The following TMEM217 variants were observed in gnomAD, a reference collection of about 807,000 sequenced individuals.
TMEM217 encodes the protein transmembrane protein 217.
For synonymous variants in TMEM217, 76 were observed against 88.3 expected (o/e 0.86, Z 0.78); for missense variants, 204 against 248.8 (o/e 0.82, Z 1.21).
At chr6:37,213,517 C>T (rs981500307), downstream of TMEM217, among the ~76,000 whole-genome samples, 10 of 152,248 alleles carry the variant, frequency 6.6e-5, no homozygotes, top group Non-Finnish European at 1.3e-4. Context: ...TCCCAAGTCA[C>T]AGGGTTTGGC....
intron 1 of TMEM217, among the ~76,000 whole-genome samples, chr6:37,220,767 A>C (rs1763463372): frequency 1.3e-5 from 2 of 152,168 alleles, no homozygotes; most frequent in African/African-American, 2.4e-5. Flanking sequence ...CATAGTGAAA[A>C]ATAACCAAGC....
intron 1 of TMEM217, among the ~76,000 whole-genome samples, chr6:37,252,578 C>T (rs950141278): frequency 1.0e-4 from 9 of 89,170 alleles, no homozygotes; most frequent in African/African-American, 2.5e-4. Flanking sequence ...TGTGTGTGCA[C>T]GTGTACGTGT....
At chr6:37,227,556 C>T (rs1763908943) in intron 1 of TMEM217, among the ~76,000 whole-genome samples, 1 of 152,148 alleles carries the variant, frequency 6.6e-6, no homozygotes, top group Non-Finnish European at 1.5e-5. Context: ...AAGCAATTCT[C>T]CTGCCTCAGC....
chr6:37,243,463 C>CA (rs1764893428), intron 1 of TMEM217, among the ~76,000 whole-genome samples: 1 of 152,158 alleles, frequency 6.6e-6, no homozygotes, highest in Non-Finnish European at 1.5e-5. Flanking sequence ...GCCTGCTACA[C>CA]AGACAAAACC....
exon 4 of TMEM217, chr6:37,212,429 G>A (rs1263941250): frequency 1.9e-5 from 8 of 418,684 alleles, no homozygotes; most frequent in East Asian, 7.1e-5. Context: ...TTTAACTTCC[G>A]GTACAACATT....
intron 1 of TMEM217, among the ~76,000 whole-genome samples, chr6:37,237,468 CA>C (rs1341697399): frequency 1.3e-5 from 2 of 152,150 alleles, no homozygotes; most frequent in East Asian, 3.9e-4. Context: ...AAGTCGTTTG[CA>C]AGAAATTATT....
chr6:37,230,456 T>C (rs1366435488), intron 1 of TMEM217, among the ~76,000 whole-genome samples: 2 of 152,142 alleles, frequency 1.3e-5, no homozygotes, highest in Non-Finnish European at 2.9e-5. Context: ...TGACTGTATT[T>C]AGAGAGAGGG....
intron 1 of TMEM217, among the ~76,000 whole-genome samples, chr6:37,252,650 T>A (rs1305649447): frequency 7.0e-4 from 88 of 125,168 alleles, no homozygotes; most frequent in Non-Finnish European, 1.3e-3. Flanking sequence ...TTTTTTTTTT[T>A]TTTTTTTTTG....
intron 1 of TMEM217, among the ~76,000 whole-genome samples, chr6:37,221,702 C>T (rs1472269546): frequency 6.6e-6 from 1 of 152,160 alleles, no homozygotes; most frequent in African/African-American, 2.4e-5. Flanking sequence ...GGCCAGAAAC[C>T]TCTGTGGCCA....
chr6:37,215,286 G>A (rs780038730), downstream of TMEM217: 1 of 1,609,774 alleles, frequency 6.2e-7, no homozygotes, highest in South Asian at 1.1e-5. Flanking sequence ...GTGGAAGCTA[G>A]ACAAATAAAA....
chr6:37,241,546 T>C (rs967734576), intron 1 of TMEM217, among the ~76,000 whole-genome samples: 14 of 152,156 alleles, frequency 9.2e-5, no homozygotes, highest in Non-Finnish European at 1.6e-4. Flanking sequence ...AAGGTCCCCA[T>C]TCTTGGGCTG....
intron 1 of TMEM217, among the ~76,000 whole-genome samples, chr6:37,252,993 A>G (rs1441608823): frequency 9.9e-5 from 15 of 152,178 alleles, no homozygotes; most frequent in Non-Finnish European, 1.8e-4. Context: ...AAGTTCCAGA[A>G]GTACCAAGAT....
intron 1 of TMEM217, among the ~76,000 whole-genome samples, chr6:37,231,159 A>G (rs1403803318): frequency 6.6e-6 from 1 of 151,450 alleles, no homozygotes; most frequent in Non-Finnish European, 1.5e-5. Context: ...TCCCGGGTTC[A>G]AGCGATTCTC....
chr6:37,239,106 T>C (rs979778649), intron 1 of TMEM217, among the ~76,000 whole-genome samples: 1 of 152,224 alleles, frequency 6.6e-6, no homozygotes, highest in African/African-American at 2.4e-5. Context: ...CACTCCAGCC[T>C]GGGTGACACA....
At position 37,247,022 on chromosome 6, in the gene TMEM217, A is replaced by T. The variant is rs544121109; in HGVS notation, c.-12+10546T>A. Among the ~76,000 whole-genome samples the T allele has an allele frequency of 4.5e-4, 69 of 152,334 alleles. 1 individual carries two copies. The highest frequency in any genetic ancestry group is 7.5e-4 in the Non-Finnish European group (51 of 68,036). On this transcript the variant is annotated intron_variant, in intron 1 of 1. Coordinates refer to ENST00000357219, the Ensembl canonical transcript of TMEM217. ...CTAAGTGTAGCAGAAGCCATTTAAT[A>T]GATATGTGACTAGAGTGGTCCTTCT...
At position 37,232,008 on chromosome 6, in the gene TMEM217, G is replaced by A. The variant is rs368416246; in HGVS notation, c.-11-12967C>T. 4.5e-4 allele frequency among the ~76,000 whole-genome samples: 69 copies of A among 152,058 alleles called. 1 individual carries two copies. In the South Asian group the frequency reaches 0.012, roughly 26 times the overall value. ...CAAAAATCTCAAGCTTGCATGAATC[G>A]AATTATCTGCTTTCTCCTTACCTGA... On this transcript the variant is annotated intron_variant, in intron 1 of 1. Transcript: ENST00000357219.
chr6:37,243,774 G>A (rs1000588771), intron 1 of TMEM217, among the ~76,000 whole-genome samples: 2 of 152,124 alleles, frequency 1.3e-5, no homozygotes, highest in South Asian at 2.1e-4. Context: ...AGGGTTTTTC[G>A]AGGATAGTTT....
exon 1 of TMEM217, chr6:37,257,704 C>T (rs555357267): frequency 9.1e-6 from 5 of 548,566 alleles, no homozygotes; most frequent in African/African-American, 2.0e-5. Context: ...TTCCGGCTCC[C>T]AATTGGTCGG....
chr6:37,219,478 T>C (rs1247433182), intron 1 of TMEM217, among the ~76,000 whole-genome samples: 3 of 152,188 alleles, frequency 2.0e-5, no homozygotes, highest in Non-Finnish European at 4.4e-5. Flanking sequence ...CAGTGGCTCA[T>C]GCCTGTAATC....
Sources: allele counts gnomAD v4.1 joint callset (sites outside exome capture counted in the v4.1 genomes callset), GRCh38; gene constraint gnomAD v4.1.1; transcripts MANE v1.5; gene names NCBI Gene and HGNC (gene_info 2026-07-23, HGNC 2026-07-21).